The following ZRANB3 variants were observed in gnomAD, a reference collection of about 807,000 sequenced individuals.
ZRANB3 encodes the protein zinc finger RANBP2-type containing 3, also known as DNA annealing helicase and endonuclease ZRANB3.
In ZRANB3, 125 loss-of-function variants were observed where a neutral mutation model predicts 133.8. That is an observed-to-expected ratio of 0.93 (90% CI 0.81 to 1.08). The LOEUF is 1.08. ZRANB3 is among the 50% of genes least tolerant of loss of function. The pLI, the probability that ZRANB3 is intolerant of heterozygous loss-of-function variation, is 0.00. For missense variants in ZRANB3, 1,229 were observed against 1,275.5 expected, an observed-to-expected ratio of 0.96 and a Z score of 0.56; for synonymous variants, 387 against 432.7, an observed-to-expected ratio of 0.89 and a Z score of 1.31.
intron 8 of ZRANB3, among the ~76,000 whole-genome samples, chr2:135,298,344 G>T (rs760173460): frequency 2.0e-5 from 3 of 152,144 alleles, no homozygotes; most frequent in Non-Finnish European, 4.4e-5. Context: ...TCTTGGTTTT[G>T]ATCCATTGCT....
chr2:135,356,459 G>A (rs187612383), intron 3 of ZRANB3, among the ~76,000 whole-genome samples: 1 of 151,974 alleles, frequency 6.6e-6, no homozygotes, highest in African/African-American at 2.4e-5. Flanking sequence ...AGAAGTTTTA[G>A]GTTGACGACA....
intron 1 of ZRANB3, among the ~76,000 whole-genome samples, chr2:135,508,262 C>T (rs1244911498): frequency 2.0e-5 from 3 of 152,074 alleles, no homozygotes; most frequent in East Asian, 1.9e-4. Flanking sequence ...CTCAGCCTCA[C>T]GAGTAGCTGG....
intron 2 of ZRANB3, among the ~76,000 whole-genome samples, chr2:135,443,205 C>G (rs918655400): frequency 6.6e-6 from 1 of 151,712 alleles, no homozygotes; most frequent in Non-Finnish European, 1.5e-5. Flanking sequence ...TAAAAAAGGA[C>G]GAGTTCATGT....
intron 16 of ZRANB3, 91 bp from the exon 17 acceptor site, chr2:135,217,698 A>G: frequency 6.2e-6 from 9 of 1,451,894 alleles, no homozygotes; most frequent in Non-Finnish European, 8.3e-6. Flanking sequence ...GAAAACTGCT[A>G]TTTTGTTATG....
At chr2:135,224,329 C>T in intron 15 of ZRANB3, 97 bp downstream of exon 15, 1 of 915,302 alleles carries the variant, frequency 1.1e-6, no homozygotes, top group Admixed American at 3.0e-5. Context: ...TAACTAGATG[C>T]TTATCTCAAT....
intron 2 of ZRANB3, among the ~76,000 whole-genome samples, chr2:135,434,680 T>C (rs1689454439): frequency 6.6e-6 from 1 of 152,224 alleles, no homozygotes; most frequent in African/African-American, 2.4e-5. Flanking sequence ...AGATTTACTA[T>C]CATGAATCCT....
At chr2:135,396,628 T>C (rs916754826) in intron 2 of ZRANB3, among the ~76,000 whole-genome samples, 1 of 152,144 alleles carries the variant, frequency 6.6e-6, no homozygotes, top group Admixed American at 6.5e-5. Context: ...ACTGAACTCA[T>C]GGAGATAGAG....
chr2:135,198,932 A>G lies in ZRANB3; in HGVS notation c.*1410T>C, dbSNP rs1189274743. The stretch of plus-strand genomic sequence containing the variant: ...ATTAATTAACGTGGGAAAATGCTCA[A>G]ACTAAAGAGGTATATGTCCTAATAG... On this transcript the variant is annotated 3_prime_UTR_variant, in exon 21 of 21. Coordinates refer to ENST00000264159, the MANE Select transcript of ZRANB3 (RefSeq NM_032143.4). 1.3e-5 allele frequency: 2 copies of G among 152,216 alleles called. No individual in the cohort carries two copies. Among genetic ancestry groups the G allele is most frequent in the Non-Finnish European group, 2.9e-5 (2 of 68,038 alleles). The allele number at this position is 152,216 out of a possible 1,614,324, so 9.4% of individuals were successfully genotyped here.
chr2:135,252,539 A>G (rs1679451889), intron 12 of ZRANB3, among the ~76,000 whole-genome samples: 2 of 152,162 alleles, frequency 1.3e-5, no homozygotes, highest in Admixed American at 1.3e-4. Context: ...TAATCCACTT[A>G]TGTCTAGTGT....
chr2:135,481,051 T>C (rs1016507427), intron 2 of ZRANB3, among the ~76,000 whole-genome samples: 4 of 152,092 alleles, frequency 2.6e-5, no homozygotes, highest in Admixed American at 1.3e-4. Context: ...TCTTTGTTAT[T>C]GTGAATAATG....
At chr2:135,498,113 T>C (rs1692764796) in intron 2 of ZRANB3, among the ~76,000 whole-genome samples, 1 of 151,892 alleles carries the variant, frequency 6.6e-6, no homozygotes, top group Non-Finnish European at 1.5e-5. Context: ...TCCTGATGTC[T>C]ACTTCATACC....
In ZRANB3 at chr2:135,268,997, G is replaced by A. The variant is rs1483314359; in HGVS notation, c.1351C>T (p.Leu451=). 2 of 1,609,228 alleles carry A rather than the reference G, an allele frequency of 1.2e-6. No homozygotes were observed. The highest frequency in any genetic ancestry group is 1.7e-6 in the Non-Finnish European group (2 of 1,178,608). ...NIHYLIANGT[L]DTLMWGMLNR... is the part of the protein sequence containing the mutation. The stretch of plus-strand genomic sequence containing the variant: ...AACATTCCCCACATAAGGGTGTCTA[G>A]GGTTCCATTTGCAATAAGGTAGTGA... Residue 451 remains leucine (L), a synonymous_variant, in exon 11 of 21, where the codon CTA becomes TTA. Coordinates refer to ENST00000264159, the MANE Select transcript of ZRANB3 (RefSeq NM_032143.4).
intron 8 of ZRANB3, among the ~76,000 whole-genome samples, chr2:135,311,523 T>C (rs1478615656): frequency 3.3e-5 from 5 of 152,090 alleles, no homozygotes; most frequent in Admixed American, 2.0e-4. Context: ...TTATACCACT[T>C]TGACTTACAA....
Position 135,333,792 on chromosome 2 carries a change from G to T in ZRANB3, c.677+11758C>A, listed in dbSNP as rs900385904. ...GTCACTGAATTGCACATTTAAAAAT[G>T]TTTAAATGGTAAATTTTGTTGTACA... is the stretch of plus-strand genomic sequence containing the variant. On this transcript the variant is annotated intron_variant, in intron 6 of 20. Transcript: ENST00000264159. 5.9e-5 allele frequency among the ~76,000 whole-genome samples: 9 copies of T among 152,238 alleles called. No homozygotes were observed. In the East Asian group the frequency reaches 1.7e-3, roughly 29 times the overall value.
chr2:135,230,452 C>T (rs560264251), intron 13 of ZRANB3, 61 bp downstream of exon 13: 1 of 1,409,080 alleles, frequency 7.1e-7, no homozygotes, highest in East Asian at 2.5e-5. Flanking sequence ...TCTAAAAGCA[C>T]AGGTTATCTG....
At chr2:135,396,798 A>G (rs1268368518) in intron 2 of ZRANB3, among the ~76,000 whole-genome samples, 4 of 152,220 alleles carry the variant, frequency 2.6e-5, no homozygotes, top group East Asian at 1.9e-4. Flanking sequence ...ACATTTAAAA[A>G]TAATTAAAAC....
At chr2:135,360,921 C>A (rs1294290499) in intron 3 of ZRANB3, among the ~76,000 whole-genome samples, 1 of 141,788 alleles carries the variant, frequency 7.1e-6, no homozygotes, top group Non-Finnish European at 1.5e-5. Flanking sequence ...TGCACACCAC[C>A]ATGCCTGTTT....
At chr2:135,504,018 T>C (rs1468697949) in intron 2 of ZRANB3, among the ~76,000 whole-genome samples, 1 of 151,676 alleles carries the variant, frequency 6.6e-6, no homozygotes, top group Non-Finnish European at 1.5e-5. Flanking sequence ...ACGATGGAAA[T>C]AAGTTGAATT....
intron 2 of ZRANB3, among the ~76,000 whole-genome samples, chr2:135,440,610 C>T (rs1344464278): frequency 6.6e-6 from 1 of 152,188 alleles, no homozygotes; most frequent in East Asian, 1.9e-4. Context: ...AGGCACCTCA[C>T]TCCTACAACT....
Sources: gnomAD v4.1 joint callset for allele counts (sites outside exome capture counted in the v4.1 genomes callset) on GRCh38, gnomAD v4.1.1 for gene constraint, MANE v1.5 for transcripts, NCBI Gene and HGNC (gene_info 2026-07-23, HGNC 2026-07-21) for gene names.